The following PCDHA12 variants were observed in gnomAD, a reference collection of about 807,000 sequenced individuals.
PCDHA12 encodes protocadherin alpha 12, also known as protocadherin alpha-12.
PCDHA12 carries 44 observed loss-of-function variants against 60.0 expected under a neutral mutation model. The ratio of observed to expected loss-of-function variants is 0.73; its 90% confidence interval spans 0.58 to 0.94. The LOEUF is 0.94. Among genes scored for constraint, PCDHA12 ranks in the 40% least tolerant of loss-of-function variants. The pLI, the probability that PCDHA12 is intolerant of heterozygous loss-of-function variation, is 0.00. For missense variants in PCDHA12, 1,276 were observed against 1,239.7 expected (o/e 1.03, Z -0.44); for synonymous variants, 569 against 553.0 (o/e 1.03, Z -0.40).
At chr5:140,991,078 A>T (rs1378051907) in intron 3 of PCDHA12, among the ~76,000 whole-genome samples, 1 of 152,188 alleles carries the variant, frequency 6.6e-6, no homozygotes, top group Non-Finnish European at 1.5e-5. Context: ...TGTTTCAGAT[A>T]AAAAAATTAA....
intron 3 of PCDHA12, among the ~76,000 whole-genome samples, chr5:141,000,386 T>A (rs1394092081): frequency 5.6e-4 from 37 of 66,542 alleles, no homozygotes; most frequent in African/African-American, 2.4e-3. Flanking sequence ...TCTCTCTCTC[T>A]CTCTCTCTCT....
chr5:140,928,792 G>A (rs1190569981), intron 1 of PCDHA12: 2 of 1,614,048 alleles, frequency 1.2e-6, no homozygotes, highest in Non-Finnish European at 1.7e-6. Context: ...TAAGCAGAGG[G>A]TGGTGGTAGT....
chr5:140,990,199 G>A (rs1308811962), intron 3 of PCDHA12, among the ~76,000 whole-genome samples: 1 of 152,132 alleles, frequency 6.6e-6, no homozygotes, highest in East Asian at 1.9e-4. Context: ...ATGTGGACCC[G>A]AAAGAGAACA....
At chr5:140,941,214 C>CCTTTCTTTCTTT (rs60032403) in intron 1 of PCDHA12, among the ~76,000 whole-genome samples, 2,129 of 122,416 alleles carry the variant, frequency 0.017, 41 homozygotes, top group Non-Finnish European at 0.024. Context: ...TTTCTTTCTT[C>CCTTTCTTTCTTT]CTTTCTTTCT....
intron 1 of PCDHA12, among the ~76,000 whole-genome samples, chr5:140,947,885 A>G (rs2094188913): frequency 6.6e-6 from 1 of 151,584 alleles, no homozygotes; most frequent in Non-Finnish European, 1.5e-5. Context: ...AGGACAATAT[A>G]AACAGAAGTG....
intron 1 of PCDHA12, among the ~76,000 whole-genome samples, chr5:140,958,381 T>G (rs1554223451): frequency 6.6e-6 from 1 of 152,280 alleles, no homozygotes; most frequent in South Asian, 2.1e-4. Context: ...GCTATTTTCT[T>G]AACAGGTCAT....
chr5:140,929,234 G>A (rs781843995), intron 1 of PCDHA12: 1 of 1,613,838 alleles, frequency 6.2e-7, no homozygotes, highest in Non-Finnish European at 8.5e-7. Flanking sequence ...GCCGACCTGC[G>A]AAATCTTGCC....
Position 141,009,722 on chromosome 5 carries a change from G to T in PCDHA12, c.2611G>T (p.Gly871Cys), listed in dbSNP as rs552954748. 6.8e-6 allele frequency: 11 copies of T among 1,614,022 alleles called. No individual in the cohort carries two copies. The highest frequency in any genetic ancestry group is 9.3e-6 in the Non-Finnish European group (11 of 1,180,046). Residue 871 changes from glycine (G) to cysteine (C), a missense_variant, in exon 4 of 4, where the codon GGT becomes TGT. Gly to Cys is a radical substitution (Grantham distance 159). Transcript: ENST00000398631. ...CGGACCAGGCAACCCCAAACAATCC[G>T]GTCCCGGTGAGTTGCCCGACAAATT... ...KYGPGNPKQS[G>C]PGELPDKFII...
chr5:140,962,034 C>T (rs527918306), intron 1 of PCDHA12, among the ~76,000 whole-genome samples: 1 of 152,172 alleles, frequency 6.6e-6, no homozygotes, highest in South Asian at 2.1e-4. Context: ...CAGGCACCCA[C>T]CACCATGCCT....
At chr5:140,941,214 C>CCTTTCTTCCTTTCTTTCTTTCTTTCTTT (rs2092875794) in intron 1 of PCDHA12, among the ~76,000 whole-genome samples, 1 of 122,414 alleles carries the variant, frequency 8.2e-6, no homozygotes, top group Non-Finnish European at 1.7e-5. Flanking sequence ...TTTCTTTCTT[C>CCTTTCTTCCTTTCTTTCTTTCTTTCTTT]CTTTCTTTCT....
At chr5:140,968,455 G>C in intron 1 of PCDHA12, 2 of 1,614,084 alleles carry the variant, frequency 1.2e-6, no homozygotes, top group Non-Finnish European at 1.7e-6. Context: ...GCAGCACTGT[G>C]ACTGCCAACG....
Position 140,876,510 on chromosome 5 carries a change from T to C in PCDHA12, c.1038T>C (p.Asn346=). ...TGGAAGTTCTGGACGTGAATGACAA[T>C]GTCCCTGAAGTAATGGTTACTTCAC... ...VLVEVLDVND[N]VPEVMVTSLS... Residue 346 remains asparagine, a synonymous_variant, in exon 1 of 4, where the codon AAT becomes AAC. Transcript: ENST00000398631. 1 of 1,614,038 alleles carries C rather than the reference T, an allele frequency of 6.2e-7. No individual in the cohort carries two copies. The highest frequency in any genetic ancestry group is 8.5e-7 in the Non-Finnish European group (1 of 1,179,912).
chr5:140,906,816 G>A (rs574852506), intron 1 of PCDHA12, among the ~76,000 whole-genome samples: 6 of 152,360 alleles, frequency 3.9e-5, no homozygotes, highest in African/African-American at 1.4e-4. Context: ...TACCTCCACT[G>A]TGGAGTAGTA....
At chr5:140,931,815 T>C (rs954167352) in intron 1 of PCDHA12, among the ~76,000 whole-genome samples, 47 of 152,114 alleles carry the variant, frequency 3.1e-4, no homozygotes, top group African/African-American at 8.4e-4. Flanking sequence ...TAGAAAAGAA[T>C]TCTTGTCATA....
At chr5:140,928,134 G>T in intron 1 of PCDHA12, 1 of 1,614,180 alleles carries the variant, frequency 6.2e-7, no homozygotes, top group Non-Finnish European at 8.5e-7. Flanking sequence ...ACCAAGTCCT[G>T]ATCACGGCCT....
chr5:140,927,245 A>G (rs1197319664), intron 1 of PCDHA12: 6 of 1,613,948 alleles, frequency 3.7e-6, no homozygotes, highest in South Asian at 2.2e-5. Flanking sequence ...CTGGACACCA[A>G]TGACAACTCA....
chr5:140,997,375 G>A (rs983164883), intron 3 of PCDHA12, among the ~76,000 whole-genome samples: 1 of 152,066 alleles, frequency 6.6e-6, no homozygotes, highest in Non-Finnish European at 1.5e-5. Flanking sequence ...AGATGATATA[G>A]CATACTACAC....
chr5:140,906,680 C>T (rs2072848945), intron 1 of PCDHA12, among the ~76,000 whole-genome samples: 2 of 152,166 alleles, frequency 1.3e-5, no homozygotes, highest in Admixed American at 6.5e-5. Context: ...AACCTTCATT[C>T]CTGAAGGATC....
intron 1 of PCDHA12, among the ~76,000 whole-genome samples, chr5:140,932,822 A>G (rs1191525374): frequency 6.6e-6 from 1 of 151,946 alleles, no homozygotes; most frequent in Non-Finnish European, 1.5e-5. Context: ...ATAAGTGGGA[A>G]AGTATTGACA....
Sources: allele counts gnomAD v4.1 joint callset (sites outside exome capture counted in the v4.1 genomes callset), GRCh38; gene constraint gnomAD v4.1.1; transcripts MANE v1.5; gene names NCBI Gene and HGNC (gene_info 2026-07-23, HGNC 2026-07-21).